Variants in SCYL2 observed in about 807,000 individuals in gnomAD.
The protein encoded by SCYL2 is SCY1-like protein 2.
Under a neutral mutation model 100.4 loss-of-function variants are expected in SCYL2, and 36 were observed. The observed-to-expected ratio is 0.36, with a 90% CI of 0.27 to 0.47. The LOEUF is 0.47. Among genes scored for constraint, SCYL2 ranks in the 20% least tolerant of loss-of-function variants. The probability of loss-of-function intolerance (pLI) is 1.00; values close to 1 mark genes in which losing one functional copy is unlikely to be tolerated. For synonymous variants in SCYL2, 330 were observed against 359.2 expected, an observed-to-expected ratio of 0.92 and a Z score of 0.92; for missense variants, 902 against 1,083.9, an observed-to-expected ratio of 0.83 and a Z score of 2.36.
intron 13 of SCYL2, among the ~76,000 whole-genome samples, chr12:100,333,387 A>G (rs1405922540): frequency 1.1e-4 from 17 of 152,148 alleles, no homozygotes; most frequent in Admixed American, 1.1e-3. Flanking sequence ...CCTCATTTGT[A>G]GATTAGAAAT....
intron 1 of SCYL2, 74 bp from the exon 2 acceptor site, chr12:100,282,869 T>C (rs749520689): frequency 1.5e-6 from 1 of 674,916 alleles, no homozygotes; most frequent in Non-Finnish European, 2.3e-6. Flanking sequence ...CTTACACTTT[T>C]CAAATTAAAC....
intron 1 of SCYL2, among the ~76,000 whole-genome samples, chr12:100,271,568 T>G (rs2096287754): frequency 6.6e-6 from 1 of 152,228 alleles, no homozygotes; most frequent in Non-Finnish European, 1.5e-5. Flanking sequence ...TATTTTGAGT[T>G]TCTTTGTTTT....
At chr12:100,313,038 A>G (rs2135902738) in intron 6 of SCYL2, among the ~76,000 whole-genome samples, 1 of 152,050 alleles carries the variant, frequency 6.6e-6, no homozygotes, top group Admixed American at 6.5e-5. Context: ...TCAGGGTGGG[A>G]GGATCACTTG....
intron 3 of SCYL2, among the ~76,000 whole-genome samples, chr12:100,297,031 C>T (rs1025382152): frequency 6.6e-6 from 1 of 152,202 alleles, no homozygotes; most frequent in Non-Finnish European, 1.5e-5. Context: ...TGCCATTTAA[C>T]AGTTACTATG....
chr12:100,275,906 G>A (rs1566340920), intron 1 of SCYL2, among the ~76,000 whole-genome samples: 1 of 117,622 alleles, frequency 8.5e-6, no homozygotes, highest in Admixed American at 8.8e-5. Context: ...AATTTTGTCA[G>A]TTTTTTTTCT....
At chr12:100,297,816 A>G (rs982357579) in intron 3 of SCYL2, among the ~76,000 whole-genome samples, 7 of 152,250 alleles carry the variant, frequency 4.6e-5, no homozygotes, top group South Asian at 2.1e-4. Context: ...CACAACACTT[A>G]GTTTAAAAGA....
intron 10 of SCYL2, chr12:100,319,327 G>T (rs927047491): frequency 4.4e-6 from 2 of 451,996 alleles, no homozygotes; most frequent in African/African-American, 2.0e-5. Flanking sequence ...TAAAGAAATT[G>T]TGAATTATAG....
In SCYL2 at chr12:100,294,102, C is replaced by T. The variant is rs1232710985; in HGVS notation, c.335+2442C>T. On this transcript the variant is annotated intron_variant, in intron 3 of 17. Coordinates refer to ENST00000360820, the MANE Select transcript of SCYL2 (RefSeq NM_017988.6). ...GGGGCTCCTCACTTCCCAGTAGGGG[C>T]GGCCGGGCAGAGGCGCCCCTCACCT... Among the ~76,000 whole-genome samples the T allele has an allele frequency of 7.3e-3, 1,045 of 143,786 alleles. 10 individuals carry two copies. The highest frequency in any genetic ancestry group is 0.025 in the African/African-American group (963 of 39,172). 94.3% of individuals were successfully genotyped at this position (143,786 alleles called of 152,430 possible).
intron 3 of SCYL2, among the ~76,000 whole-genome samples, chr12:100,294,837 C>T (rs1184695642): frequency 7.3e-5 from 11 of 150,956 alleles, no homozygotes; most frequent in African/African-American, 1.2e-4. Context: ...GGCTGCTGGG[C>T]GGAGACGCTC....
chr12:100,304,848 G>A (rs1222540143), intron 4 of SCYL2, among the ~76,000 whole-genome samples: 1 of 151,850 alleles, frequency 6.6e-6, no homozygotes, highest in Non-Finnish European at 1.5e-5. Flanking sequence ...AGCGGGGGTT[G>A]CAGTCCTAGC....
At chr12:100,312,727 T>C in intron 6 of SCYL2, 74 bp downstream of exon 6, 1 of 1,016,560 alleles carries the variant, frequency 9.8e-7, no homozygotes, top group Non-Finnish European at 1.5e-6. Flanking sequence ...CCAAAATGTG[T>C]TCAGGAAATT....
intron 3 of SCYL2, among the ~76,000 whole-genome samples, chr12:100,293,783 G>T (rs1037099180): frequency 6.8e-4 from 104 of 152,182 alleles, no homozygotes; most frequent in African/African-American, 2.4e-3. Context: ...ATCTTGCGCC[G>T]CCCTTAATCC....
Position 100,338,456 on chromosome 12 carries a change from C to A in SCYL2, c.2146-72C>A, listed in dbSNP as rs908208529. On this transcript the variant is annotated intron_variant, in intron 17 of 17. Transcript: ENST00000360820. ...TCTAACTTGTCCTTTATAATTTAATCTGTCAAATGTTTACTAATTATAAAG... is the reference window on the plus strand; with the variant it reads ...TCTAACTTGTCCTTTATAATTTAATATGTCAAATGTTTACTAATTATAAAG... The A allele has an allele frequency of 4.8e-6, 6 of 1,258,878 alleles. No individual in the cohort carries two copies. The African/African-American group carries it at 7.7e-5, about 16-fold the overall frequency. The allele number at this position is 1,258,878 out of a possible 1,614,324, so 78.0% of individuals were successfully genotyped here. A position where few individuals can be genotyped will look rare whatever the true frequency, so the allele number is the denominator to read the frequency against.
chr12:100,312,473 A>T lies in SCYL2; in HGVS notation c.672A>T (p.Ser224=), dbSNP rs762976417. Residue 224 remains serine, a synonymous_variant, in exon 6 of 18, where the codon TCA becomes TCT. Coordinates refer to ENST00000360820, the MANE Select transcript of SCYL2 (RefSeq NM_017988.6). ...AAGAATGGGACCCAAATTTACCTTC[A>T]TTGTGTCTTCCAAATCCTGAATATT... is the stretch of plus-strand genomic sequence containing the variant. ...PCKEWDPNLP[S]LCLPNPEYLA... 79 of 1,613,430 alleles carry T rather than the reference A, an allele frequency of 4.9e-5. 4 individuals are homozygous for T. In the South Asian group the frequency reaches 8.5e-4, roughly 17 times the overall value.
chr12:100,313,163 C>G (rs1219017995), intron 6 of SCYL2, among the ~76,000 whole-genome samples: 2 of 151,972 alleles, frequency 1.3e-5, no homozygotes, highest in African/African-American at 4.8e-5. Flanking sequence ...ATAAAGAGGA[C>G]TAGTTAAAAT....
At chr12:100,298,634 C>T (rs113848216) in intron 4 of SCYL2, among the ~76,000 whole-genome samples, 13 of 152,160 alleles carry the variant, frequency 8.5e-5, no homozygotes, top group African/African-American at 3.1e-4. Flanking sequence ...ACTGCAACCT[C>T]CACCTCCCTG....
intron 11 of SCYL2, 183 bp downstream of exon 11, chr12:100,323,821 A>G: frequency 5.1e-6 from 2 of 389,422 alleles, no homozygotes; most frequent in Non-Finnish European, 9.1e-6. Flanking sequence ...ATAATATTGC[A>G]TTCCTAACCT....
At chr12:100,267,955 C>A (rs892503738) in intron 1 of SCYL2, among the ~76,000 whole-genome samples, 163 bp downstream of exon 1, 4 of 152,086 alleles carry the variant, frequency 2.6e-5, no homozygotes, top group African/African-American at 9.7e-5. Flanking sequence ...AGAGAAAAAA[C>A]CCCACGGTTA....
intron 14 of SCYL2, among the ~76,000 whole-genome samples, chr12:100,334,975 C>T (rs537426664): frequency 4.0e-5 from 6 of 151,758 alleles, no homozygotes; most frequent in South Asian, 2.1e-4. Flanking sequence ...TAGCTTCTGC[C>T]CACAAGATGA....
Sources: gnomAD v4.1 joint callset for allele counts (sites outside exome capture counted in the v4.1 genomes callset) on GRCh38, gnomAD v4.1.1 for gene constraint, MANE v1.5 for transcripts, NCBI Gene and HGNC (gene_info 2026-07-23, HGNC 2026-07-21) for gene names.